Variants in CRACR2A observed in about 807,000 individuals in gnomAD.
CRACR2A encodes calcium release activated channel regulator 2A.
A neutral mutation model predicts 90.5 loss-of-function variants in CRACR2A; 79 were observed. The observed-to-expected ratio is 0.87, with a 90% CI of 0.73 to 1.05. The LOEUF is 1.05. Ranked by LOEUF, CRACR2A falls within the 50% of genes least tolerant of loss-of-function variation. The pLI is 0.00. For missense variants in CRACR2A, 823 were observed against 897.2 expected (o/e 0.92, Z 1.06); for synonymous variants, 338 against 356.7 (o/e 0.95, Z 0.59).
chr12:3,752,434 C>T (rs1946724346), intron 1 of CRACR2A: 1 of 153,454 alleles, frequency 6.5e-6, no homozygotes, highest in Non-Finnish European at 1.5e-5. Flanking sequence ...CTGAGCCACA[C>T]AGCCAGGCCA....
intron 2 of CRACR2A, among the ~76,000 whole-genome samples, chr12:3,714,536 T>C (rs1308831971): frequency 6.6e-6 from 1 of 152,172 alleles, no homozygotes; most frequent in African/African-American, 2.4e-5. Context: ...TGCCCTGTCT[T>C]GCCCCCACTG....
chr12:3,646,755 C>A (rs1396079087), intron 11 of CRACR2A, among the ~76,000 whole-genome samples: 1 of 152,136 alleles, frequency 6.6e-6, no homozygotes, highest in Non-Finnish European at 1.5e-5. Context: ...CCTGGAAAGT[C>A]CCACCGTTTT....
intron 1 of CRACR2A, among the ~76,000 whole-genome samples, chr12:3,734,831 C>T (rs1946424530): frequency 6.6e-6 from 1 of 151,984 alleles, no homozygotes; most frequent in Non-Finnish European, 1.5e-5. Flanking sequence ...CTCAGAGAAA[C>T]AGAGGGCAGA....
At chr12:3,679,850 G>A (rs1170735368) in intron 5 of CRACR2A, among the ~76,000 whole-genome samples, 1 of 152,158 alleles carries the variant, frequency 6.6e-6, no homozygotes, top group African/African-American at 2.4e-5. Context: ...CCAGACTTGG[G>A]TTGGAATGAG....
intron 2 of CRACR2A, among the ~76,000 whole-genome samples, chr12:3,718,262 T>C (rs1467436200): frequency 6.6e-6 from 1 of 152,218 alleles, no homozygotes; most frequent in Non-Finnish European, 1.5e-5. Context: ...ACCCACAGAC[T>C]AGGTCAGGAC....
At chr12:3,683,151 T>C (rs1004106149) in intron 4 of CRACR2A, among the ~76,000 whole-genome samples, 3 of 152,176 alleles carry the variant, frequency 2.0e-5, no homozygotes, top group Non-Finnish European at 4.4e-5. Context: ...CACTGTGCAA[T>C]AGGCCTGTGA....
intron 3 of CRACR2A, among the ~76,000 whole-genome samples, chr12:3,702,226 C>T (rs1945844805): frequency 6.6e-6 from 1 of 152,150 alleles, no homozygotes; most frequent in Non-Finnish European, 1.5e-5. Context: ...AAATGTTTTG[C>T]TCCTGGGGTC....
At chr12:3,676,154 T>C (rs1945332399) in intron 6 of CRACR2A, among the ~76,000 whole-genome samples, 1 of 152,180 alleles carries the variant, frequency 6.6e-6, no homozygotes, top group South Asian at 2.1e-4. Flanking sequence ...TCAACAAGTA[T>C]TTATTATGAT....
chr12:3,697,181 C>A, intron 3 of CRACR2A, 146 bp from the exon 4 acceptor site: 1 of 1,029,930 alleles, frequency 9.7e-7, no homozygotes, highest in Non-Finnish European at 1.4e-6. Flanking sequence ...TTAGCAAAAG[C>A]TCAGGACAAG....
At chr12:3,631,362 C>T (rs1015899367) in intron 15 of CRACR2A, among the ~76,000 whole-genome samples, 1 of 152,142 alleles carries the variant, frequency 6.6e-6, no homozygotes, top group African/African-American at 2.4e-5. Flanking sequence ...ATTTTGTTGT[C>T]AGGAGAGGCA....
intron 17 of CRACR2A, 97 bp downstream of exon 17, chr12:3,627,339 G>T: frequency 2.3e-6 from 2 of 882,422 alleles, no homozygotes; most frequent in Non-Finnish European, 3.5e-6. Context: ...TTCCGAATCA[G>T]ATTTTGAAAA....
At position 3,629,858 on chromosome 12, in the gene CRACR2A, G is replaced by C. The variant is rs995650556; in HGVS notation, c.1736-2152C>G. On this transcript the variant is annotated intron_variant, in intron 15 of 19. Transcript: ENST00000440314. ...CACAAGGAAAAGACAAGGGGGGGGG[G>C]GGATGAAGAGGTGGCATGTGCAAAC... 8.8e-5 allele frequency among the ~76,000 whole-genome samples: 13 copies of C among 147,106 alleles called. No individual in the cohort carries two copies. The East Asian group carries it at 2.1e-3, about 24-fold the overall frequency.
chr12:3,701,603 C>A (rs981894771), intron 3 of CRACR2A, among the ~76,000 whole-genome samples: 8 of 151,948 alleles, frequency 5.3e-5, no homozygotes, highest in Admixed American at 1.3e-4. Flanking sequence ...CACTAAATAC[C>A]ACAGCTCACT....
chr12:3,699,043 C>G (rs1276098912), intron 3 of CRACR2A, among the ~76,000 whole-genome samples: 2 of 152,178 alleles, frequency 1.3e-5, no homozygotes, highest in Admixed American at 6.5e-5. Context: ...CATACTTCAT[C>G]TTATTGAACC....
In CRACR2A at chr12:3,654,380, G is replaced by A; in HGVS notation, c.878C>T (p.Ala293Val). ...KQKRLEGQCT[A>V]LHHDKHETKA... ...GGTCTCATGCTTGTCATGATGCAGG[G>A]CTGTGCACTGACCTTCCAGCTGCAA... is the stretch of plus-strand genomic sequence containing the variant. The change falls in exon 10 of 20, where the codon GCC becomes GTC. Residue 293 changes from alanine to valine, a missense_variant. Transcript: ENST00000440314. The A allele has an allele frequency of 6.3e-7, 1 of 1,597,992 alleles. No homozygotes were observed. The highest frequency in any genetic ancestry group is 8.5e-7 in the Non-Finnish European group (1 of 1,174,032).
intron 14 of CRACR2A, among the ~76,000 whole-genome samples, chr12:3,636,349 A>C (rs576028716): frequency 1.3e-5 from 2 of 152,312 alleles, no homozygotes; most frequent in Admixed American, 1.3e-4. Context: ...CTAGTGAATC[A>C]TACTTCTTCC....
At chr12:3,719,963 CA>C (rs1225391212) in intron 2 of CRACR2A, among the ~76,000 whole-genome samples, 2 of 151,546 alleles carry the variant, frequency 1.3e-5, no homozygotes, top group Middle Eastern at 3.2e-3. Flanking sequence ...ACTAAAAACA[CA>C]AAAAATTAGC....
At chr12:3,750,929 C>A (rs1199115039) in intron 1 of CRACR2A, among the ~76,000 whole-genome samples, 3 of 152,192 alleles carry the variant, frequency 2.0e-5, no homozygotes, top group Non-Finnish European at 2.9e-5. Flanking sequence ...CTCCAATCAC[C>A]CCCCACACCT....
At chr12:3,668,770 C>T (rs550023144) in intron 7 of CRACR2A, among the ~76,000 whole-genome samples, 1 of 152,290 alleles carries the variant, frequency 6.6e-6, no homozygotes, top group South Asian at 2.1e-4. Flanking sequence ...GACACCTTCC[C>T]AGAGCACAGG....
Sources: gnomAD v4.1 joint callset for allele counts (sites outside exome capture counted in the v4.1 genomes callset) on GRCh38, gnomAD v4.1.1 for gene constraint, MANE v1.5 for transcripts, NCBI Gene and HGNC (gene_info 2026-07-23, HGNC 2026-07-21) for gene names.